UNC5B: variants seen among roughly 807,000 people sequenced by gnomAD.
The protein encoded by UNC5B is unc-5 netrin receptor B.
A neutral mutation model predicts 103.7 loss-of-function variants in UNC5B; 56 were observed. The observed-to-expected ratio is 0.54, with a 90% CI of 0.44 to 0.67. The LOEUF is 0.67. Among genes scored for constraint, UNC5B ranks in the 30% least tolerant of loss-of-function variants. The pLI, the probability that UNC5B is intolerant of heterozygous loss-of-function variation, is 0.00. For synonymous variants in UNC5B, 577 were observed against 542.0 expected (o/e 1.06, Z -0.90); for missense variants, 1,194 against 1,284.5 (o/e 0.93, Z 1.08).
chr10:71,272,462 C>T (rs144505430), intron 1 of UNC5B, among the ~76,000 whole-genome samples: 15 of 152,290 alleles, frequency 9.8e-5, no homozygotes, highest in Non-Finnish European at 1.5e-4. Flanking sequence ...CTGAGGTCTC[C>T]GCCCTGGGCA....
At chr10:71,282,992 C>T (rs1589191809) in intron 2 of UNC5B, among the ~76,000 whole-genome samples, 1 of 152,106 alleles carries the variant, frequency 6.6e-6, no homozygotes, top group African/African-American at 2.4e-5. Flanking sequence ...TGGTGGCAGG[C>T]GCCTGTAGTC....
chr10:71,296,585 C>T lies in UNC5B; in HGVS notation c.2333C>T (p.Pro778Leu), dbSNP rs1215120790. Reference protein sequence around the residue: ...SKLLAKYQEIPFYHIWSGSQK... With the variant: ...SKLLAKYQEILFYHIWSGSQK... ...GACCCCCTCCTCCTGCAGGAGATCC[C>T]CTTCTATCACATTTGGAGTGGCAGC... The change falls in exon 15 of 17, where the codon CCC becomes CTC. Residue 778 changes from proline (P) to leucine (L), a missense_variant. By Grantham distance (98) the Pro-to-Leu change is moderately conservative. Coordinates refer to ENST00000335350, the MANE Select transcript of UNC5B (RefSeq NM_170744.5). 1.9e-6 allele frequency: 3 copies of T among 1,613,792 alleles called. No homozygotes were observed. In the South Asian group the frequency reaches 3.3e-5, roughly 18 times the overall value.
chr10:71,298,998 C>A, intron 16 of UNC5B, 114 bp from the exon 17 acceptor site: 1 of 1,372,220 alleles, frequency 7.3e-7, no homozygotes. Context: ...AGACCCAGGA[C>A]AGTGGGACAC....
intron 1 of UNC5B, among the ~76,000 whole-genome samples, chr10:71,214,764 C>G (rs1843298446): frequency 6.6e-6 from 1 of 152,094 alleles, no homozygotes; most frequent in Non-Finnish European, 1.5e-5. Flanking sequence ...GGTGGGTGGG[C>G]TTGGCCAAGA....
intron 1 of UNC5B, among the ~76,000 whole-genome samples, chr10:71,269,112 T>C (rs1844586989): frequency 6.6e-6 from 1 of 152,146 alleles, no homozygotes; most frequent in Non-Finnish European, 1.5e-5. Context: ...AGGGAAAGCA[T>C]GGGATATGCA....
chr10:71,248,250 C>G (rs2132267009), intron 1 of UNC5B, among the ~76,000 whole-genome samples: 1 of 152,238 alleles, frequency 6.6e-6, no homozygotes, highest in South Asian at 2.1e-4. Context: ...CACTTGCTTC[C>G]ACCTCTCAGG....
At chr10:71,294,683 C>T (rs913617470) in intron 13 of UNC5B, among the ~76,000 whole-genome samples, 5 of 151,954 alleles carry the variant, frequency 3.3e-5, no homozygotes, top group Non-Finnish European at 7.4e-5. Flanking sequence ...GACAGCCAGG[C>T]TCCTAGCATA....
At chr10:71,283,485 A>T (rs965214967) in intron 2 of UNC5B, among the ~76,000 whole-genome samples, 1 of 152,190 alleles carries the variant, frequency 6.6e-6, no homozygotes, top group African/African-American at 2.4e-5. Context: ...CTGTCCAGCC[A>T]TCCAACCCTG....
intron 1 of UNC5B, among the ~76,000 whole-genome samples, chr10:71,228,154 T>C (rs1843611979): frequency 6.6e-6 from 1 of 152,200 alleles, no homozygotes; most frequent in Non-Finnish European, 1.5e-5. Context: ...TGGGTAGCTA[T>C]GTGGGAAAAG....
At chr10:71,246,798 T>C (rs1213441396) in intron 1 of UNC5B, among the ~76,000 whole-genome samples, 2 of 152,232 alleles carry the variant, frequency 1.3e-5, no homozygotes, top group African/African-American at 4.8e-5. Flanking sequence ...TCAATAAGAC[T>C]AAGACCCAGG....
In UNC5B at chr10:71,261,372, G is replaced by A. The variant is rs944649336; in HGVS notation, c.80-18449G>A. ...GCCACAGCCTCAGGATTGGCCAGGT[G>A]GCCGTGCATTTGCCCCTAGACTAGA... On this transcript the variant is annotated intron_variant, in intron 1 of 16. Coordinates refer to ENST00000335350, the MANE Select transcript of UNC5B (RefSeq NM_170744.5). 2.6e-5 allele frequency among the ~76,000 whole-genome samples: 4 copies of A among 152,286 alleles called. No individual in the cohort carries two copies. In the South Asian group the frequency reaches 8.3e-4, roughly 32 times the overall value.
chr10:71,280,391 C>T (rs3892171), intron 2 of UNC5B, among the ~76,000 whole-genome samples: 5,485 of 152,242 alleles, frequency 0.036, 328 homozygotes, highest in African/African-American at 0.13. Context: ...CCCACGGCAC[C>T]GACCCAGAAT....
intron 1 of UNC5B, among the ~76,000 whole-genome samples, chr10:71,261,052 T>C (rs1400768629): frequency 1.3e-5 from 2 of 152,206 alleles, no homozygotes; most frequent in Non-Finnish European, 2.9e-5. Context: ...GGATGGGACC[T>C]TGAGTCCCAA....
In UNC5B at chr10:71,291,939, G is replaced by A. The variant is rs190787449; in HGVS notation, c.1684+118G>A. On this transcript the variant is annotated intron_variant, in intron 10 of 16. Coordinates refer to ENST00000335350, the MANE Select transcript of UNC5B (RefSeq NM_170744.5). ...TAATCCCATCTCACAGATGGGGAAA[G>A]GGAGGCCTGAAGGCAGGAAGTGAGT... 1.1e-3 allele frequency: 1,500 copies of A among 1,402,016 alleles called. 7 individuals are homozygous for A. Among genetic ancestry groups the A allele is most frequent in the African/African-American group, 7.0e-3 (482 of 69,306 alleles). 86.8% of individuals were successfully genotyped at this position (1,402,016 alleles called of 1,614,324 possible).
chr10:71,300,216 G>T lies in UNC5B; in HGVS notation c.*939G>T, dbSNP rs1227718288. On this transcript the variant is annotated 3_prime_UTR_variant, in exon 17 of 17. Transcript: ENST00000335350. Reference sequence around the variant, plus strand: ...GGTTTTCACTGTCTAGATTTAGCTGGTTAGATTTTCCTCTAAAATCTTAAG... The same window carrying T: ...GGTTTTCACTGTCTAGATTTAGCTGTTTAGATTTTCCTCTAAAATCTTAAG... 1 of 152,200 alleles carries T rather than the reference G, an allele frequency of 6.6e-6. No homozygotes were observed. The highest frequency in any genetic ancestry group is 1.5e-5 in the Non-Finnish European group (1 of 68,052). 9.4% of individuals were successfully genotyped at this position (152,200 alleles called of 1,614,324 possible). A position where few individuals can be genotyped will look rare whatever the true frequency, so the allele number is the denominator to read the frequency against.
chr10:71,252,674 T>C (rs1233594953), intron 1 of UNC5B, among the ~76,000 whole-genome samples: 3 of 152,140 alleles, frequency 2.0e-5, no homozygotes, highest in African/African-American at 7.2e-5. Context: ...CCCATCTTAT[T>C]GTGAAGGAAA....
intron 1 of UNC5B, among the ~76,000 whole-genome samples, chr10:71,279,185 G>A (rs1465308942): frequency 2.6e-5 from 4 of 152,234 alleles, no homozygotes; most frequent in Non-Finnish European, 5.9e-5. Context: ...GACCATGGGA[G>A]GTGAGCTCTG....
intron 1 of UNC5B, among the ~76,000 whole-genome samples, chr10:71,268,978 G>A (rs1589179681): frequency 1.3e-5 from 2 of 152,220 alleles, no homozygotes; most frequent in Admixed American, 1.3e-4. Flanking sequence ...GGCAGGAGCA[G>A]GCAGCCCAGC....
chr10:71,249,520 T>G (rs1354370922), intron 1 of UNC5B, among the ~76,000 whole-genome samples: 2 of 152,198 alleles, frequency 1.3e-5, no homozygotes, highest in Non-Finnish European at 2.9e-5. Flanking sequence ...GAACGCACCT[T>G]GCACCTCTGT....
Sources: allele counts gnomAD v4.1 joint callset (sites outside exome capture counted in the v4.1 genomes callset), GRCh38; gene constraint gnomAD v4.1.1; transcripts MANE v1.5; gene names NCBI Gene and HGNC (gene_info 2026-07-23, HGNC 2026-07-21).